Variants in GAB3 observed in about 807,000 individuals in gnomAD.
GAB3 encodes GRB2 associated binding protein 3, also known as GRB2-associated-binding protein 3.
In GAB3, 12 loss-of-function variants were observed where a neutral mutation model predicts 40.4. The ratio of observed to expected loss-of-function variants is 0.30; its 90% CI spans 0.19 to 0.48. GAB3 has a LOEUF of 0.48. Ranked by LOEUF, GAB3 falls within the 20% of genes least tolerant of loss-of-function variation. The pLI is 0.99. For synonymous variants in GAB3, 154 were observed against 176.7 expected (o/e 0.87, Z 1.02); for missense variants, 381 against 461.9 (o/e 0.82, Z 1.61).
chrX:154,723,938 T>C (rs1364639442), intron 1 of GAB3, among the ~76,000 whole-genome samples: 1 of 111,878 alleles, frequency 8.9e-6, no homozygotes, highest in East Asian at 2.8e-4. Flanking sequence ...CAAACCTCAG[T>C]CCTGTCATCT....
Position 154,694,391 on chromosome X carries a change from G to GTTTTTTTTTTTTT in GAB3, c.1530+1513_1530+1525dup, listed in dbSNP as rs781950607. ...GTTAATGAAACACTGATCTTTCTCT[G>GTTTTTTTTTTTTT]TTTTTTTTTTTTTGAGACAGAGTCT... On this transcript the variant is annotated intron_variant, in intron 8 of 9. Coordinates refer to ENST00000424127, the MANE Select transcript of GAB3 (RefSeq NM_001081573.3). 5.9e-4 allele frequency among the ~76,000 whole-genome samples: 59 copies of GTTTTTTTTTTTTT among 100,161 alleles called. 1 individual carries two copies. The highest frequency in any genetic ancestry group is 2.0e-3 in the African/African-American group (56 of 27,623). 87.0% of individuals were successfully genotyped at this position (100,161 alleles called of 115,157 possible).
chrX:154,750,962 G>A lies in GAB3; in HGVS notation c.64C>T (p.Gln22Ter). ...GCGGCGCCCCTACTCACGTAGCGCT[G>A]TAGCTTCCTCTCGGGGGGCGACTTA... ...LVKSPPERKL[Q>*]RYAWRKRWFV... Residue 22 changes from glutamine (Q) to a stop codon, truncating the protein, a stop_gained, in exon 1 of 10, where the codon CAG (glutamine) becomes TAG (stop). Coordinates refer to ENST00000424127, the MANE Select transcript of GAB3 (RefSeq NM_001081573.3). LOFTEE classifies it high-confidence loss of function. 1.2e-6 allele frequency: 1 copy of A among 813,191 alleles called. No homozygotes were observed. The highest frequency in any genetic ancestry group is 6.3e-5 in the Admixed American group (1 of 15,790). The allele number at this position is 813,191 out of a possible 1,213,427, so 67.0% of individuals were successfully genotyped here.
At chrX:154,724,237 C>T (rs1310594314) in intron 1 of GAB3, among the ~76,000 whole-genome samples, 2 of 109,927 alleles carry the variant, frequency 1.8e-5, no homozygotes, top group African/African-American at 6.6e-5. Context: ...ATCCCAACTA[C>T]TCAGGAGGCT....
chrX:154,717,448 A>G (rs1302466540), intron 1 of GAB3, among the ~76,000 whole-genome samples: 1 of 112,139 alleles, frequency 8.9e-6, no homozygotes, highest in Non-Finnish European at 1.9e-5. Flanking sequence ...CTGTAAAAAC[A>G]AAAAGGAATT....
At chrX:154,745,100 G>T (rs2071506494) in intron 1 of GAB3, among the ~76,000 whole-genome samples, 1 of 112,049 alleles carries the variant, frequency 8.9e-6, no homozygotes, top group African/African-American at 3.2e-5. Flanking sequence ...GGAGGCCAAG[G>T]TGGGCTGGAT....
At chrX:154,729,864 C>T (rs1310952631) in intron 1 of GAB3, among the ~76,000 whole-genome samples, 1 of 111,740 alleles carries the variant, frequency 8.9e-6, no homozygotes. Context: ...CCATGGCTCC[C>T]CCATTCAGTG....
At position 154,693,319 on chromosome X, in the gene GAB3, T is replaced by C. The variant is rs2070601268; in HGVS notation, c.1530+2598A>G. ...TGTAAAAGAAAGCATCTAACAGTTCTAATTGCCTAAAAACTTGAAAAAAAT... is the reference window on the plus strand; with the variant it reads ...TGTAAAAGAAAGCATCTAACAGTTCCAATTGCCTAAAAACTTGAAAAAAAT... On this transcript the variant is annotated intron_variant, in intron 8 of 9. Transcript: ENST00000424127. 2.7e-5 allele frequency among the ~76,000 whole-genome samples: 3 copies of C among 112,108 alleles called. No individual in the cohort carries two copies. In the Admixed American group the frequency reaches 2.8e-4, roughly 11 times the overall value.
intron 7 of GAB3, among the ~76,000 whole-genome samples, chrX:154,696,298 CAAAAAAA>C (rs35105330): frequency 6.2e-4 from 25 of 40,139 alleles, no homozygotes; most frequent in Admixed American, 4.1e-3. Flanking sequence ...TATCATTTAG[CAAAAAAA>C]AAAAAAAAAA....
At chrX:154,708,409 C>T (rs1557254286) in intron 4 of GAB3, among the ~76,000 whole-genome samples, 1 of 111,747 alleles carries the variant, frequency 8.9e-6, no homozygotes, top group African/African-American at 3.3e-5. Context: ...AGTGTCTGCT[C>T]AGCAAAGGAA....
chrX:154,707,764 A>C (rs1339642715), intron 4 of GAB3, among the ~76,000 whole-genome samples: 4 of 112,157 alleles, frequency 3.6e-5, no homozygotes, highest in Non-Finnish European at 1.9e-5. Flanking sequence ...AAACAAAGCT[A>C]TTATTATTTG....
intron 1 of GAB3, among the ~76,000 whole-genome samples, chrX:154,720,918 G>T (rs1419331726): frequency 9.0e-6 from 1 of 111,704 alleles, no homozygotes; most frequent in Non-Finnish European, 1.9e-5. Context: ...CTTGGGAAAA[G>T]AAACAATCAG....
chrX:154,733,163 A>C (rs969111821), intron 1 of GAB3, among the ~76,000 whole-genome samples: 1 of 112,355 alleles, frequency 8.9e-6, no homozygotes, highest in Non-Finnish European at 1.9e-5. Context: ...AGGGTTCAGA[A>C]AATGTTTGCT....
intron 4 of GAB3, among the ~76,000 whole-genome samples, chrX:154,706,744 C>G (rs782247499): frequency 9.7e-6 from 1 of 103,499 alleles, no homozygotes; most frequent in African/African-American, 4.0e-5. Flanking sequence ...AAGACCCTGC[C>G]TCTAAAAAAA....
At chrX:154,743,633 A>C (rs1276588616) in intron 1 of GAB3, among the ~76,000 whole-genome samples, 1 of 111,258 alleles carries the variant, frequency 9.0e-6, no homozygotes, top group Non-Finnish European at 1.9e-5. Flanking sequence ...TATACTACTA[A>C]TATTATAATG....
At chrX:154,700,113 T>G (rs2070718773) in intron 4 of GAB3, 54 bp from the exon 5 acceptor site, 4 of 1,009,459 alleles carry the variant, frequency 4.0e-6, no homozygotes, top group Non-Finnish European at 5.6e-6. Context: ...CAACTGAAAC[T>G]AGAGTCCAGA....
At position 154,712,572 on chromosome X, in the gene GAB3, G is replaced by A. The variant is rs1557256454; in HGVS notation, c.726C>T (p.Gly242=). 1.7e-6 allele frequency: 2 copies of A among 1,166,228 alleles called. No homozygotes were observed. The change falls in exon 4 of 10, where the codon GGC becomes GGT. Residue 242 remains glycine, a synonymous_variant. Coordinates refer to ENST00000424127, the MANE Select transcript of GAB3 (RefSeq NM_001081573.3). ...AGGATGGCACCTCCTGAGCTCCACT[G>A]CCATGGCATGAGGGGTGGACCAAAT... ...SSHLVHPSCH[G]SGAQEVPSSR...
At chrX:154,728,186 C>T (rs1400027599) in intron 1 of GAB3, among the ~76,000 whole-genome samples, 1 of 112,073 alleles carries the variant, frequency 8.9e-6, no homozygotes, top group Non-Finnish European at 1.9e-5. Context: ...GGGTCAGCAA[C>T]CTGCCTTCAG....
intron 4 of GAB3, among the ~76,000 whole-genome samples, chrX:154,705,018 AGAGGT>A (rs2070787017): frequency 9.0e-6 from 1 of 111,525 alleles, no homozygotes; most frequent in South Asian, 3.8e-4. Flanking sequence ...CATTTGAAGA[AGAGGT>A]GACACCAATG....
intron 2 of GAB3, among the ~76,000 whole-genome samples, chrX:154,715,647 G>A (rs1035409427): frequency 8.9e-6 from 1 of 111,984 alleles, no homozygotes; most frequent in Admixed American, 9.4e-5. Context: ...CACCAGAAAT[G>A]CTGGAGTTCC....
Sources: gnomAD v4.1 joint callset for allele counts (sites outside exome capture counted in the v4.1 genomes callset) on GRCh38, gnomAD v4.1.1 for gene constraint, MANE v1.5 for transcripts, NCBI Gene and HGNC (gene_info 2026-07-23, HGNC 2026-07-21) for gene names.